Variants in KCTD3 observed in about 807,000 individuals in gnomAD.
The protein encoded by KCTD3 is BTB/POZ domain-containing protein KCTD3.
In KCTD3, 41 loss-of-function variants were observed where a neutral mutation model predicts 85.8. The observed-to-expected ratio is 0.48, with a 90% CI of 0.37 to 0.62. KCTD3 has a LOEUF of 0.62. KCTD3 is among the 20% of genes least tolerant of loss of function. KCTD3 has a pLI of 0.00. For synonymous variants in KCTD3, 338 were observed against 345.4 expected, an observed-to-expected ratio of 0.98 and a Z score of 0.24; for missense variants, 724 against 989.9, an observed-to-expected ratio of 0.73 and a Z score of 3.60.
At chr1:215,601,161 TC>T (rs1232775918) in intron 10 of KCTD3, among the ~76,000 whole-genome samples, 5 of 152,214 alleles carry the variant, frequency 3.3e-5, no homozygotes, top group African/African-American at 1.2e-4. Context: ...GATTTCGAAT[TC>T]CTGACCTCTG....
At chr1:215,576,213 C>T (rs1281342421) in intron 4 of KCTD3, among the ~76,000 whole-genome samples, 2 of 151,764 alleles carry the variant, frequency 1.3e-5, no homozygotes, top group African/African-American at 2.4e-5. Flanking sequence ...GGACTGTAGG[C>T]ACATGCCACC....
intron 6 of KCTD3, 136 bp from the exon 7 acceptor site, chr1:215,578,864 G>T: frequency 2.6e-5 from 13 of 493,326 alleles, no homozygotes; most frequent in South Asian, 1.6e-4. Context: ...TAAATTATTT[G>T]TAATAATTTG....
intron 8 of KCTD3, among the ~76,000 whole-genome samples, chr1:215,582,879 A>C (rs917574080): frequency 1.3e-5 from 2 of 152,132 alleles, no homozygotes; most frequent in Admixed American, 1.3e-4. Context: ...ACATATTTTA[A>C]ATGTATTACT....
In KCTD3 at chr1:215,605,258, CTAATT is replaced by C. The variant is rs558982654; in HGVS notation, c.1309+957_1309+961del. Among the ~76,000 whole-genome samples the C allele has an allele frequency of 4.1e-4, 62 of 152,264 alleles. 3 individuals are homozygous for C. The South Asian group carries it at 0.012, about 30-fold the overall frequency. On this transcript the variant is annotated intron_variant, in intron 13 of 17. Transcript: ENST00000259154. ...AAAGATGTAGTGAAAGTTTCTCAAT[CTAATT>C]AAACACCATGTGGAGCTGAAATTCA...
chr1:215,615,252 T>G (rs1655389251), intron 15 of KCTD3, among the ~76,000 whole-genome samples: 1 of 152,082 alleles, frequency 6.6e-6, no homozygotes, highest in African/African-American at 2.4e-5. Flanking sequence ...TAGTGAGAAG[T>G]GAAATGAAAG....
chr1:215,570,861 A>G (rs1659332500), intron 1 of KCTD3, among the ~76,000 whole-genome samples: 1 of 152,194 alleles, frequency 6.6e-6, no homozygotes, highest in African/African-American at 2.4e-5. Context: ...GGGATAAAAA[A>G]CAAATCAAAA....
chr1:215,612,504 A>G (rs1655271603), intron 15 of KCTD3, among the ~76,000 whole-genome samples: 1 of 151,994 alleles, frequency 6.6e-6, no homozygotes, highest in African/African-American at 2.4e-5. Flanking sequence ...CAGTCTCCTC[A>G]GTATTTGTTT....
In KCTD3 at chr1:215,567,536, A is replaced by C; in HGVS notation, c.-150A>C. On this transcript the variant is annotated 5_prime_UTR_variant, in exon 1 of 18. Transcript: ENST00000259154. ...TAGCGAGCCCCGCCCGGCCGCCGGG[A>C]AGGTGGGGGAAGCCCCGTGCACCCC... 6.5e-6 allele frequency: 2 copies of C among 309,866 alleles called. No individual in the cohort carries two copies. Among genetic ancestry groups the C allele is most frequent in the Non-Finnish European group, 1.1e-5 (2 of 175,238 alleles). The allele number at this position is 309,866 out of a possible 1,614,324, so 19.2% of individuals were successfully genotyped here. A position where few individuals can be genotyped will look rare whatever the true frequency, so the allele number is the denominator to read the frequency against.
rs375708623 is a variant in KCTD3, at chr1:215,620,299, A to G, written c.2129A>G (p.Lys710Arg). ...GGGGAATGTAATATATCTGAGAGAA[A>G]GTCTCCTGGAGTAGAAATAAAAAGT... ...ATGECNISER[K>R]SPGVEIKSLR... The change falls in exon 18 of 18, where the codon AAG becomes AGG. Residue 710 changes from lysine to arginine, a missense_variant. By Grantham distance (26) the Lys-to-Arg change is conservative. Transcript: ENST00000259154. The G allele has an allele frequency of 6.2e-7, 1 of 1,613,918 alleles. No individual in the cohort carries two copies. The highest frequency in any genetic ancestry group is 1.3e-5 in the African/African-American group (1 of 74,946).
chr1:215,613,311 A>ACATGTGTC (rs1426933180), intron 15 of KCTD3, among the ~76,000 whole-genome samples: 1 of 152,094 alleles, frequency 6.6e-6, no homozygotes, highest in Non-Finnish European at 1.5e-5. Context: ...CAACCTCCAG[A>ACATGTGTC]CATGTGTCTG....
chr1:215,609,843 T>C (rs1655162848), intron 14 of KCTD3, among the ~76,000 whole-genome samples: 1 of 151,856 alleles, frequency 6.6e-6, no homozygotes, highest in Admixed American at 6.6e-5. Flanking sequence ...TTCTGTGGTA[T>C]GAAGATATAC....
chr1:215,577,694 G>A lies in KCTD3; in HGVS notation c.282G>A (p.Arg94=). The change falls in exon 5 of 18, where the codon AGG becomes AGA. Residue 94 remains arginine, a synonymous_variant. Coordinates refer to ENST00000259154, the MANE Select transcript of KCTD3 (RefSeq NM_016121.5). ...DLRGVSINVL[R]HEAEFYGITP... ...GGGGAGTGAGTATTAATGTTCTCAG[G>A]CATGAAGCAGAATTTTACGGGATCA... The A allele has an allele frequency of 6.2e-7, 1 of 1,600,010 alleles. No individual in the cohort carries two copies. The highest frequency in any genetic ancestry group is 8.6e-7 in the Non-Finnish European group (1 of 1,167,484).
At chr1:215,589,257 C>T (rs1660130174) in intron 9 of KCTD3, among the ~76,000 whole-genome samples, 1 of 152,052 alleles carries the variant, frequency 6.6e-6, no homozygotes, top group African/African-American at 2.4e-5. Flanking sequence ...AGTCCCCCCA[C>T]CTCAGCCTCC....
intron 1 of KCTD3, among the ~76,000 whole-genome samples, chr1:215,568,071 C>T (rs1659211903): frequency 6.6e-6 from 1 of 152,208 alleles, no homozygotes; most frequent in Admixed American, 6.5e-5. Context: ...AGAACCATTA[C>T]ACAGCCTTCC....
intron 8 of KCTD3, among the ~76,000 whole-genome samples, chr1:215,581,697 C>T (rs909996437): frequency 1.3e-5 from 2 of 152,160 alleles, no homozygotes; most frequent in Non-Finnish European, 2.9e-5. Flanking sequence ...TCTTTCTGTG[C>T]TTTCACCAAG....
At position 215,583,404 on chromosome 1, in the gene KCTD3, G is replaced by A. The variant is rs535266221; in HGVS notation, c.627-3091G>A. 5.9e-5 allele frequency among the ~76,000 whole-genome samples: 9 copies of A among 152,326 alleles called. No homozygotes were observed. In the South Asian group the frequency reaches 1.9e-3, roughly 32 times the overall value. On this transcript the variant is annotated intron_variant, in intron 8 of 17. Transcript: ENST00000259154. ...GGCTGGTGAGAGTGTCTTTTAGCATGATAATGCATTATAATTAGCGTATAA... is the reference window on the plus strand; with the variant it reads ...GGCTGGTGAGAGTGTCTTTTAGCATAATAATGCATTATAATTAGCGTATAA...
chr1:215,615,173 T>G (rs1655386637), intron 15 of KCTD3, among the ~76,000 whole-genome samples: 1 of 152,182 alleles, frequency 6.6e-6, no homozygotes, highest in Non-Finnish European at 1.5e-5. Flanking sequence ...TAGAATTGAA[T>G]AGAAAATTAG....
chr1:215,567,496 G>A lies in KCTD3; in HGVS notation c.-190G>A, dbSNP rs970527672. 3.5e-6 allele frequency: 1 copy of A among 284,848 alleles called. No individual in the cohort carries two copies. The highest frequency in any genetic ancestry group is 6.4e-6 in the Non-Finnish European group (1 of 155,324). 17.6% of individuals were successfully genotyped at this position (284,848 alleles called of 1,614,324 possible). On this transcript the variant is annotated 5_prime_UTR_variant, in exon 1 of 18. Transcript: ENST00000259154. ...CCTTGTGCACCGCAGGATTGACCCGGGAAGGGGCAGAAGCTAGCGAGCCCC... is the reference window on the plus strand; with the variant it reads ...CCTTGTGCACCGCAGGATTGACCCGAGAAGGGGCAGAAGCTAGCGAGCCCC...
chr1:215,587,828 AT>A (rs1370956234), intron 9 of KCTD3, among the ~76,000 whole-genome samples: 1 of 152,200 alleles, frequency 6.6e-6, no homozygotes, highest in Admixed American at 6.5e-5. Flanking sequence ...CCATCAGACT[AT>A]TTTGTACTTT....
Sources: allele counts gnomAD v4.1 joint callset (sites outside exome capture counted in the v4.1 genomes callset), GRCh38; gene constraint gnomAD v4.1.1; transcripts MANE v1.5; gene names NCBI Gene and HGNC (gene_info 2026-07-23, HGNC 2026-07-21).